Variants in ZNF516 observed in about 807,000 individuals in gnomAD.
ZNF516 encodes the protein zinc finger protein 516.
Under a neutral mutation model 79.7 loss-of-function variants are expected in ZNF516, and 19 were observed. That is an observed-to-expected ratio of 0.24 (90% CI 0.17 to 0.35). The LOEUF (loss-of-function observed/expected upper bound fraction) is 0.35. Among genes scored for constraint, ZNF516 ranks in the 10% least tolerant of loss-of-function variants. The pLI, the probability that ZNF516 is intolerant of heterozygous loss-of-function variation, is 1.00. For missense variants in ZNF516, 1,678 were observed against 1,679.5 expected (o/e 1.00, Z 0.02); for synonymous variants, 877 against 739.5 (o/e 1.19, Z -3.02).
chr18:76,439,426 T>C (rs144690689), intron 3 of ZNF516, among the ~76,000 whole-genome samples: 5 of 152,252 alleles, frequency 3.3e-5, no homozygotes. Context: ...ATCCTATTTA[T>C]TCTATCACCA....
At chr18:76,385,566 T>C (rs2074974485) in intron 3 of ZNF516, 2 of 152,358 alleles carry the variant, frequency 1.3e-5, no homozygotes, top group African/African-American at 4.8e-5. Flanking sequence ...GGCTGCCTAT[T>C]CGTCATGTTT....
At chr18:76,402,662 C>T (rs1329244643) in intron 3 of ZNF516, among the ~76,000 whole-genome samples, 3 of 152,220 alleles carry the variant, frequency 2.0e-5, no homozygotes, top group Non-Finnish European at 2.9e-5. Context: ...CAGATCTGAA[C>T]GACTAAACTC....
chr18:76,372,560 G>A (rs772760947), intron 4 of ZNF516, among the ~76,000 whole-genome samples: 1 of 152,234 alleles, frequency 6.6e-6, no homozygotes, highest in Non-Finnish European at 1.5e-5. Context: ...AGCAAATGAA[G>A]AGAATGACAA....
chr18:76,372,349 T>C (rs527365368), intron 4 of ZNF516, among the ~76,000 whole-genome samples: 1 of 152,354 alleles, frequency 6.6e-6, no homozygotes, highest in South Asian at 2.1e-4. Context: ...AGGCTTGATT[T>C]CCATGTGCTG....
rs1395000667 is a variant in ZNF516, at chr18:76,495,155, G to A, written c.-283C>T. Reference sequence around the variant, plus strand: ...CCCGCGGCCCCTACCTTGGCAGGGAGGCGGCGGGCCTGGGGAGGAGGACGC... The same window carrying A: ...CCCGCGGCCCCTACCTTGGCAGGGAAGCGGCGGGCCTGGGGAGGAGGACGC... On this transcript the variant is annotated 5_prime_UTR_variant, in exon 1 of 7. Transcript: ENST00000443185. The A allele has an allele frequency of 2.0e-5, 3 of 149,756 alleles. No individual in the cohort carries two copies. Among genetic ancestry groups the A allele is most frequent in the South Asian group, 2.1e-4 (1 of 4,794 alleles). The allele number at this position is 149,756 out of a possible 1,614,324, so 9.3% of individuals were successfully genotyped here. A position where few individuals can be genotyped will look rare whatever the true frequency, so the allele number is the denominator to read the frequency against.
At chr18:76,418,506 C>A (rs1276462930) in intron 3 of ZNF516, among the ~76,000 whole-genome samples, 1 of 151,982 alleles carries the variant, frequency 6.6e-6, no homozygotes, top group Non-Finnish European at 1.5e-5. Flanking sequence ...CGCTGTAACA[C>A]GCACTGTAAC....
At chr18:76,434,666 T>C (rs749815727) in intron 3 of ZNF516, among the ~76,000 whole-genome samples, 1 of 152,216 alleles carries the variant, frequency 6.6e-6, no homozygotes, top group Non-Finnish European at 1.5e-5. Flanking sequence ...CAAGTGCAGA[T>C]GCAGAATCTG....
chr18:76,359,446 A>AT lies in ZNF516; in HGVS notation c.*3051dup, dbSNP rs2074499803. The AT allele has an allele frequency of 6.6e-6, 1 of 152,234 alleles. No homozygotes were observed. The highest frequency in any genetic ancestry group is 1.5e-5 in the Non-Finnish European group (1 of 68,044). 9.4% of individuals were successfully genotyped at this position (152,234 alleles called of 1,614,324 possible). ...TCCTCAATATCTGACTTTTGAGAGA[A>AT]TTTAAATATTCATTCTTCAAATTAA... is the stretch of plus-strand genomic sequence containing the variant. On this transcript the variant is annotated 3_prime_UTR_variant, in exon 7 of 7. Coordinates refer to ENST00000443185, the MANE Select transcript of ZNF516 (RefSeq NM_014643.4).
intron 2 of ZNF516, among the ~76,000 whole-genome samples, chr18:76,456,826 T>C (rs1025678060): frequency 5.3e-5 from 8 of 152,260 alleles, no homozygotes; most frequent in African/African-American, 1.9e-4. Flanking sequence ...TTTTCCAAGC[T>C]ATTCATGCAA....
At chr18:76,458,815 G>T (rs1196737309) in intron 2 of ZNF516, among the ~76,000 whole-genome samples, 1 of 130,550 alleles carries the variant, frequency 7.7e-6, no homozygotes, top group Admixed American at 7.4e-5. Context: ...CCTCACCGTC[G>T]TGCGTGTGCG....
intron 1 of ZNF516, among the ~76,000 whole-genome samples, chr18:76,466,386 C>G (rs1304199601): frequency 6.6e-6 from 1 of 152,196 alleles, no homozygotes; most frequent in Non-Finnish European, 1.5e-5. Flanking sequence ...TCTGTCAGTT[C>G]CCCACTCCCA....
chr18:76,367,348 T>G (rs1013552559), intron 6 of ZNF516, among the ~76,000 whole-genome samples: 1 of 152,210 alleles, frequency 6.6e-6, no homozygotes, highest in African/African-American at 2.4e-5. Context: ...CGGGAACCAC[T>G]AAGCCCATTC....
At chr18:76,426,245 T>C (rs1255435756) in intron 3 of ZNF516, among the ~76,000 whole-genome samples, 1 of 152,212 alleles carries the variant, frequency 6.6e-6, no homozygotes, top group African/African-American at 2.4e-5. Context: ...TCCCCTCCTC[T>C]CCCTCAGCTA....
At chr18:76,492,085 C>T in intron 1 of ZNF516, 1 of 890,956 alleles carries the variant, frequency 1.1e-6, no homozygotes, top group Non-Finnish European at 1.3e-6. Context: ...AGGTCCCTCC[C>T]AGGGGTCTCC....
intron 3 of ZNF516, among the ~76,000 whole-genome samples, chr18:76,382,571 T>C (rs1032315669): frequency 2.6e-5 from 4 of 152,126 alleles, no homozygotes; most frequent in African/African-American, 4.8e-5. Flanking sequence ...AAACATCACC[T>C]AGAACTTCCA....
chr18:76,447,913 G>A (rs1912158014), intron 2 of ZNF516, among the ~76,000 whole-genome samples: 2 of 152,110 alleles, frequency 1.3e-5, no homozygotes, highest in Admixed American at 6.5e-5. Context: ...GTATGTGTGT[G>A]TGTTTCTCCA....
Position 76,490,274 on chromosome 18 carries a change from C to G in ZNF516, c.-272+4870G>C, listed in dbSNP as rs150528087. ...CGGCAGGCTCCTACGCAACTTCACT[C>G]TCCAATTTTACTAAGGGGGGGCGAG... On this transcript the variant is annotated intron_variant, in intron 1 of 6. Transcript: ENST00000443185. 2.0e-4 allele frequency: 176 copies of G among 882,684 alleles called. 1 individual carries two copies. The African/African-American group carries it at 2.8e-3, about 14-fold the overall frequency. The allele number at this position is 882,684 out of a possible 1,614,324, so 54.7% of individuals were successfully genotyped here.
chr18:76,432,667 C>G (rs2075677980), intron 3 of ZNF516, among the ~76,000 whole-genome samples: 1 of 152,224 alleles, frequency 6.6e-6, no homozygotes, highest in African/African-American at 2.4e-5. Flanking sequence ...ATCCTCTGGC[C>G]TCCAAAGGCC....
chr18:76,421,306 T>TC lies in ZNF516; in HGVS notation c.1810+19938dup, dbSNP rs138028199. ...CCAAGAGGAGCAGGGCAGCTGAGGC[T>TC]CCGAGGCTGCTGTCCTGGCTGCCAG... On this transcript the variant is annotated intron_variant, in intron 3 of 6. Coordinates refer to ENST00000443185, the MANE Select transcript of ZNF516 (RefSeq NM_014643.4). Among the ~76,000 whole-genome samples, 580 of 152,314 alleles carry TC rather than the reference T, an allele frequency of 3.8e-3. 3 individuals carry two copies. Among genetic ancestry groups the TC allele is most frequent in the Non-Finnish European group, 3.9e-3 (267 of 68,032 alleles).
Sources: gnomAD v4.1 joint callset for allele counts (sites outside exome capture counted in the v4.1 genomes callset) on GRCh38, gnomAD v4.1.1 for gene constraint, MANE v1.5 for transcripts, NCBI Gene and HGNC (gene_info 2026-07-23, HGNC 2026-07-21) for gene names.